Variants in DBN1 observed in about 807,000 individuals in gnomAD.
DBN1 encodes the protein drebrin 1.
DBN1 carries 21 observed loss-of-function variants against 83.5 expected under a neutral mutation model. The ratio of observed to expected loss-of-function variants is 0.25; its 90% CI spans 0.18 to 0.36. The LOEUF (loss-of-function observed/expected upper bound fraction) is 0.36. DBN1 is among the 10% of genes least tolerant of loss of function. The probability of loss-of-function intolerance (pLI) is 1.00; values close to 1 mark genes in which losing one functional copy is unlikely to be tolerated. For synonymous variants in DBN1, 381 were observed against 384.9 expected, an observed-to-expected ratio of 0.99 and a Z score of 0.12; for missense variants, 874 against 935.7, an observed-to-expected ratio of 0.93 and a Z score of 0.86.
In DBN1 at chr5:177,466,147, T is replaced by C. The variant is rs1419345839; in HGVS notation, c.771+625A>G. 6.6e-6 allele frequency among the ~76,000 whole-genome samples: 1 copy of C among 152,116 alleles called. No homozygotes were observed. Among genetic ancestry groups the C allele is most frequent in the Non-Finnish European group, 1.5e-5 (1 of 68,018 alleles). On this transcript the variant is annotated intron_variant, in intron 8 of 14. Coordinates refer to ENST00000393565, the MANE Select transcript of DBN1 (RefSeq NM_001363541.2). This position sits in a 1 kb window ranked among gnomAD's most constrained non-coding sequence, Gnocchi z 4.8. Reference sequence around the variant, plus strand: ...ATGCATCTGCCCATTACAGTCCCAATCCAGATGAGTATCAACCCACCTCCC... The same window carrying C: ...ATGCATCTGCCCATTACAGTCCCAACCCAGATGAGTATCAACCCACCTCCC...
chr5:177,472,990 G>A (rs1232729133), intron 1 of DBN1: 3 of 288,914 alleles, frequency 1.0e-5, no homozygotes, highest in Non-Finnish European at 1.0e-5. Flanking sequence ...GGGCTGAGCC[G>A]GGCAGGCTGC....
chr5:177,472,485 C>A, intron 1 of DBN1: 2 of 1,139,698 alleles, frequency 1.8e-6, no homozygotes, highest in Non-Finnish European at 2.2e-6. Context: ...CCACCCTGGG[C>A]CGCCAGCCCC....
In DBN1 at chr5:177,458,596, C is replaced by G. The variant is rs1294344395; in HGVS notation, c.1376G>C (p.Gly459Ala). Residue 459 changes from glycine to alanine, a missense_variant, in exon 13 of 15, where the codon GGG (glycine) becomes GCG (alanine). Coordinates refer to ENST00000393565, the MANE Select transcript of DBN1 (RefSeq NM_001363541.2). ...CAAGTCCTCTGCAGGGCTGCCTGGCCCCCGGGGAGGCGCCTGTGCCTGAGG... is the reference window on the plus strand; with the variant it reads ...CAAGTCCTCTGCAGGGCTGCCTGGCGCCCGGGGAGGCGCCTGTGCCTGAGG... Reference protein sequence around the residue: ...EPPQAQAPPRGPGSPAEDLMF... With the variant: ...EPPQAQAPPRAPGSPAEDLMF... 5.0e-6 allele frequency: 8 copies of G among 1,612,934 alleles called. No homozygotes were observed. Among genetic ancestry groups the G allele is most frequent in the Non-Finnish European group, 6.8e-6 (8 of 1,179,412 alleles).
chr5:177,465,680 A>G (rs1354085108), intron 8 of DBN1, among the ~76,000 whole-genome samples: 1 of 151,756 alleles, frequency 6.6e-6, no homozygotes, highest in East Asian at 1.9e-4. Flanking sequence ...ACATGGTGAA[A>G]CCCAGTCTCT....
rs768634940 is a variant in DBN1 at position 177,457,408 on chromosome 5, G to C, written c.*25C>G. 1 of 1,608,328 alleles carries C rather than the reference G, an allele frequency of 6.2e-7. No homozygotes were observed. The highest frequency in any genetic ancestry group is 2.2e-5 in the East Asian group (1 of 44,860). On this transcript the variant is annotated 3_prime_UTR_variant, in exon 15 of 15. Coordinates refer to ENST00000393565, the MANE Select transcript of DBN1 (RefSeq NM_001363541.2). ...TGATGCAGGTGGGCGGCCTTGGCAA[G>C]GGTAGCCTAGGGCTGGCGCCACCGC... is the stretch of plus-strand genomic sequence containing the variant.
chr5:177,464,945 G>T (rs1014364903), intron 8 of DBN1, among the ~76,000 whole-genome samples: 1 of 152,070 alleles, frequency 6.6e-6, no homozygotes, highest in Non-Finnish European at 1.5e-5. Context: ...ATGAGGTCAG[G>T]AGATCGAGAC....
intron 1 of DBN1, among the ~76,000 whole-genome samples, chr5:177,469,327 A>G (rs1200929443): frequency 6.6e-6 from 1 of 151,868 alleles, no homozygotes; most frequent in East Asian, 1.9e-4. Flanking sequence ...TCCCCCGGGG[A>G]GGGAGGAGGA....
At chr5:177,472,102 C>T in intron 1 of DBN1, 3 of 1,601,988 alleles carry the variant, frequency 1.9e-6, no homozygotes, top group East Asian at 2.3e-5. Flanking sequence ...CCTGTGCCGG[C>T]CTCTCCTGTG....
intron 2 of DBN1, 143 bp downstream of exon 2, chr5:177,468,701 G>A (rs1263682731): frequency 1.4e-5 from 7 of 497,860 alleles, no homozygotes; most frequent in African/African-American, 1.2e-4. Flanking sequence ...GGGATGACTG[G>A]AGGAAGGACA....
intron 8 of DBN1, among the ~76,000 whole-genome samples, chr5:177,464,935 A>G (rs1757328741): frequency 1.3e-5 from 2 of 151,956 alleles, no homozygotes; most frequent in African/African-American, 2.4e-5. Context: ...TGGGCAGATC[A>G]TGAGGTCAGG....
chr5:177,465,425 C>T (rs889683148), intron 8 of DBN1, among the ~76,000 whole-genome samples: 4 of 152,130 alleles, frequency 2.6e-5, no homozygotes, highest in Admixed American at 1.3e-4. Flanking sequence ...CAGGAGCTGG[C>T]GAGTGGGGAA....
intron 8 of DBN1, chr5:177,462,204 C>T (rs1267874338): frequency 3.0e-6 from 3 of 985,044 alleles, no homozygotes; most frequent in East Asian, 1.1e-4. Flanking sequence ...CACCCCCTGC[C>T]GGCCCCCACC....
intron 8 of DBN1, among the ~76,000 whole-genome samples, chr5:177,463,285 C>T (rs1581724313): frequency 6.6e-6 from 1 of 152,348 alleles, no homozygotes. Context: ...GATCCGCCTG[C>T]CTTGGCCTCC....
At position 177,457,290 on chromosome 5, in the gene DBN1, A is replaced by G. The variant is rs1756571963; in HGVS notation, c.*143T>C. 2 of 713,480 alleles carry G rather than the reference A, an allele frequency of 2.8e-6. No individual in the cohort carries two copies. Among genetic ancestry groups the G allele is most frequent in the Admixed American group, 4.2e-5 (2 of 47,266 alleles). The allele number at this position is 713,480 out of a possible 1,614,324, so 44.2% of individuals were successfully genotyped here. A position where few individuals can be genotyped will look rare whatever the true frequency, so the allele number is the denominator to read the frequency against. The stretch of plus-strand genomic sequence containing the variant: ...AAAAGTCAGGCCCTGTGGGTAGGGA[A>G]GCGGCCAAGTCCCCAGCCAGGGCCG... On this transcript the variant is annotated 3_prime_UTR_variant, in exon 15 of 15. Coordinates refer to ENST00000393565, the MANE Select transcript of DBN1 (RefSeq NM_001363541.2).
rs765581713 is a variant in DBN1 at position 177,467,581 on chromosome 5, G to A, written c.377C>T (p.Ala126Val). 13 of 1,567,682 alleles carry A rather than the reference G, an allele frequency of 8.3e-6. No homozygotes were observed. In the Admixed American group the frequency reaches 1.1e-4, roughly 14 times the overall value. ...VNASSVEDID[A>V]GAIGQRLSNG... is the part of the protein sequence containing the mutation. ...AGAGAGCCGCTGCCCGATGGCACCC[G>A]CGTCTATGTCTTCCACGCTGCTGGC... The change falls in exon 5 of 15, where the codon GCG becomes GTG. Residue 126 changes from alanine to valine, a missense_variant. Physicochemically the swap from Ala to Val is moderately conservative, Grantham distance 64. This residue lies in a region of DBN1 where 65 missense variants were observed against 97.3 expected (regional missense o/e 0.67). Coordinates refer to ENST00000393565, the MANE Select transcript of DBN1 (RefSeq NM_001363541.2). This position sits in a 1 kb window ranked among gnomAD's most constrained non-coding sequence, Gnocchi z 9.1.
chr5:177,460,580 G>A, intron 9 of DBN1, 25 bp from the exon 10 acceptor site: 8 of 1,614,140 alleles, frequency 5.0e-6, no homozygotes, highest in Non-Finnish European at 6.8e-6. Context: ...AAAAGGTTGG[G>A]GCTGGGCCAG....
At chr5:177,470,806 C>T (rs116380973) in intron 1 of DBN1, among the ~76,000 whole-genome samples, 2,780 of 152,330 alleles carry the variant, frequency 0.018, 78 homozygotes, top group African/African-American at 0.063. Context: ...ACCAGTGCTT[C>T]TCAACCACAT....
chr5:177,467,346 G>A lies in DBN1; in HGVS notation c.478-14C>T. 2 of 1,614,114 alleles carry A rather than the reference G, an allele frequency of 1.2e-6. No homozygotes were observed. Among genetic ancestry groups the A allele is most frequent in the African/African-American group, 1.3e-5 (1 of 75,046 alleles). ...GTAGGTGGTGCCCTGCAGTGTCGAA[G>A]GACCCAGCATAAGCAGGCTGAATGC... On this transcript the variant is annotated splice_polypyrimidine_tract_variant and intron_variant, in intron 5 of 14. Transcript: ENST00000393565. This position sits in a 1 kb window ranked among gnomAD's most constrained non-coding sequence, Gnocchi z 9.1.
intron 1 of DBN1, chr5:177,472,362 G>A (rs371485828): frequency 3.5e-5 from 52 of 1,483,086 alleles, no homozygotes; most frequent in African/African-American, 1.0e-4. Context: ...TCTGCCAGCA[G>A]GGAGAGGAGG....
Sources: gnomAD v4.1 joint callset for allele counts (sites outside exome capture counted in the v4.1 genomes callset) on GRCh38, gnomAD v4.1.1 for gene constraint, gnomAD v4.1.1 regional missense constraint, Gnocchi (gnomAD v3.1) non-coding constraint, MANE v1.5 for transcripts, NCBI Gene and HGNC (gene_info 2026-07-23, HGNC 2026-07-21) for gene names.